ANO4: variants seen among roughly 807,000 people sequenced by gnomAD.
The protein encoded by ANO4 is anoctamin 4.
A neutral mutation model predicts 141.9 loss-of-function variants in ANO4; 69 were observed. The observed-to-expected ratio is 0.49, with a 90% CI of 0.40 to 0.59. The LOEUF (loss-of-function observed/expected upper bound fraction) is 0.59, where lower values mean the gene tolerates loss of function less well. ANO4 is among the 20% of genes least tolerant of loss of function. The pLI is 0.00. For missense variants in ANO4, 894 were observed against 1,162.2 expected (o/e 0.77, Z 3.36); for synonymous variants, 350 against 394.3 (o/e 0.89, Z 1.33).
At chr12:101,011,890 C>A (rs1375220291) in intron 8 of ANO4, among the ~76,000 whole-genome samples, 1 of 152,070 alleles carries the variant, frequency 6.6e-6, no homozygotes, top group East Asian at 1.9e-4. Flanking sequence ...GACAAAGTTA[C>A]CCCTTCCTCC....
intron 7 of ANO4, among the ~76,000 whole-genome samples, chr12:100,980,931 G>T (rs951534881): frequency 6.6e-6 from 1 of 151,988 alleles, no homozygotes. Context: ...AATATAGTCT[G>T]TGGAAGATAT....
chr12:101,045,076 C>T (rs2047567729), intron 13 of ANO4, among the ~76,000 whole-genome samples: 2 of 151,858 alleles, frequency 1.3e-5, no homozygotes, highest in Non-Finnish European at 2.9e-5. Context: ...TTTAAAGAAT[C>T]GTCATGAATA....
At chr12:100,744,367 G>A (rs1337960732) in intron 3 of ANO4, among the ~76,000 whole-genome samples, 1 of 152,148 alleles carries the variant, frequency 6.6e-6, no homozygotes, top group Non-Finnish European at 1.5e-5. Flanking sequence ...CAAGATTAGG[G>A]CACTGACCGA....
intron 8 of ANO4, among the ~76,000 whole-genome samples, chr12:101,010,056 G>A (rs2046021040): frequency 6.6e-6 from 1 of 152,042 alleles, no homozygotes; most frequent in South Asian, 2.1e-4. Context: ...AACTGGTTTA[G>A]CATTCAGTTT....
chr12:101,074,020 G>GA (rs1209583763), intron 14 of ANO4, among the ~76,000 whole-genome samples: 1 of 152,022 alleles, frequency 6.6e-6, no homozygotes, highest in Non-Finnish European at 1.5e-5. Flanking sequence ...GTTGTGGCTT[G>GA]AGAGTGTCCT....
At chr12:100,826,682 A>G (rs538771333) in intron 1 of ANO4, among the ~76,000 whole-genome samples, 2 of 152,104 alleles carry the variant, frequency 1.3e-5, no homozygotes, top group East Asian at 3.9e-4. Context: ...TAACATTTCT[A>G]GTTATTGTAG....
chr12:100,808,130 G>A (rs2035175496), intron 1 of ANO4, among the ~76,000 whole-genome samples: 2 of 152,090 alleles, frequency 1.3e-5, no homozygotes, highest in African/African-American at 2.4e-5. Flanking sequence ...AGGTCTTTGA[G>A]GAATCGCCAC....
intron 15 of ANO4, among the ~76,000 whole-genome samples, chr12:101,080,855 C>A (rs373403631): frequency 2.2e-5 from 2 of 91,356 alleles, no homozygotes; most frequent in Admixed American, 1.4e-4. Context: ...TATATTTTTT[C>A]TAGGTTCTAG....
At chr12:100,898,126 T>C (rs2040428836) in intron 1 of ANO4, among the ~76,000 whole-genome samples, 1 of 152,224 alleles carries the variant, frequency 6.6e-6, no homozygotes, top group South Asian at 2.1e-4. Context: ...ATTCTCAGGC[T>C]CTTATGGTTG....
intron 22 of ANO4, among the ~76,000 whole-genome samples, chr12:101,109,193 C>G (rs2050565018): frequency 6.6e-6 from 1 of 152,162 alleles, no homozygotes; most frequent in Admixed American, 6.5e-5. Context: ...TTATACCCTC[C>G]TCAGTGCATC....
chr12:101,012,364 T>G (rs765169326), intron 8 of ANO4, among the ~76,000 whole-genome samples: 10 of 152,034 alleles, frequency 6.6e-5, no homozygotes, highest in Non-Finnish European at 1.0e-4. Flanking sequence ...GGAGAGAGAA[T>G]GAGTGACAGA....
chr12:100,823,773 G>C (rs894115498), intron 1 of ANO4, among the ~76,000 whole-genome samples: 1 of 151,944 alleles, frequency 6.6e-6, no homozygotes, highest in Admixed American at 6.6e-5. Context: ...CCTATGTCTT[G>C]TAGTTTGTGG....
At chr12:101,003,117 A>G (rs1038010517) in intron 8 of ANO4, among the ~76,000 whole-genome samples, 44 of 152,248 alleles carry the variant, frequency 2.9e-4, no homozygotes, top group African/African-American at 1.0e-3. Context: ...TTACAGGATT[A>G]TCATTGTTAG....
chr12:101,019,698 C>T (rs1267615964), intron 8 of ANO4, among the ~76,000 whole-genome samples: 1 of 152,082 alleles, frequency 6.6e-6, no homozygotes. Flanking sequence ...GAGAGAAAAA[C>T]AAAATGAATT....
rs537051960 is a variant in ANO4, at chr12:100,968,679, T to C, written c.457-2627T>C. Among the ~76,000 whole-genome samples, 1,089 of 152,352 alleles carry C rather than the reference T, an allele frequency of 7.1e-3. 14 individuals carry two copies. The highest frequency in any genetic ancestry group is 0.025 in the African/African-American group (1,045 of 41,580). Reference sequence around the variant, plus strand: ...AGAACTATTTTTAGGAAATACAGTCTTTCTTCTGCTTTATAACTTGGAAAA... The same window carrying C: ...AGAACTATTTTTAGGAAATACAGTCCTTCTTCTGCTTTATAACTTGGAAAA... On this transcript the variant is annotated intron_variant, in intron 5 of 27. Transcript: ENST00000392977.
At chr12:100,742,940 GTTC>G (rs1157208943) in intron 3 of ANO4, among the ~76,000 whole-genome samples, 1 of 152,142 alleles carries the variant, frequency 6.6e-6, no homozygotes, top group Non-Finnish European at 1.5e-5. Flanking sequence ...CCTGAATGTA[GTTC>G]TTCCTTATGA....
intron 1 of ANO4, among the ~76,000 whole-genome samples, chr12:100,798,429 C>G (rs1233861903): frequency 6.6e-6 from 1 of 152,144 alleles, no homozygotes; most frequent in Non-Finnish European, 1.5e-5. Context: ...TGGTAATCTA[C>G]TTGGAAAGGA....
chr12:101,082,831 A>G (rs2049339333), intron 15 of ANO4, among the ~76,000 whole-genome samples: 1 of 151,432 alleles, frequency 6.6e-6, no homozygotes, highest in Non-Finnish European at 1.5e-5. Context: ...GATTAACTCA[A>G]TCTCCATTTC....
intron 15 of ANO4, among the ~76,000 whole-genome samples, chr12:101,081,085 G>C (rs2049259677): frequency 6.7e-6 from 1 of 150,142 alleles, no homozygotes; most frequent in African/African-American, 2.5e-5. Context: ...AGCTTCCCAG[G>C]CTGACTATGA....
Sources: gnomAD v4.1 joint callset for allele counts (sites outside exome capture counted in the v4.1 genomes callset) on GRCh38, gnomAD v4.1.1 for gene constraint, MANE v1.5 for transcripts, NCBI Gene and HGNC (gene_info 2026-07-23, HGNC 2026-07-21) for gene names.